The following ROCK2 variants were observed in gnomAD, a reference collection of about 807,000 sequenced individuals.
The protein encoded by ROCK2 is Rho associated coiled-coil containing protein kinase 2.
ROCK2 carries 61 observed loss-of-function variants against 195.1 expected under a neutral mutation model. That is an observed-to-expected ratio of 0.31 (90% CI 0.25 to 0.39). The LOEUF is 0.39. Ranked by LOEUF, ROCK2 falls within the 10% of genes least tolerant of loss-of-function variation. ROCK2 has a pLI of 1.00. For missense variants in ROCK2, 1,109 were observed against 1,637.4 expected (o/e 0.68, Z 5.57); for synonymous variants, 504 against 545.5 (o/e 0.92, Z 1.06).
chr2:11,199,302 ATTTTC>A (rs1468633100), intron 23 of ROCK2, among the ~76,000 whole-genome samples: 3 of 116,394 alleles, frequency 2.6e-5, no homozygotes, highest in Admixed American at 1.9e-4. Flanking sequence ...GCTTTATGTG[ATTTTC>A]TTTTTTTTTT....
Position 11,227,156 on chromosome 2 carries a change from C to T in ROCK2, c.868+98G>A, listed in dbSNP as rs550187432. The T allele has an allele frequency of 2.5e-4, 295 of 1,158,792 alleles. 2 individuals are homozygous for T. In the African/African-American group the frequency reaches 3.3e-3, roughly 13 times the overall value. The allele number at this position is 1,158,792 out of a possible 1,614,324, so 71.8% of individuals were successfully genotyped here. ...TTTCCAGAAATCTAATTCTTCCCTACGACAAAGGCAATTAATTTCCTTATA... is the reference window on the plus strand; with the variant it reads ...TTTCCAGAAATCTAATTCTTCCCTATGACAAAGGCAATTAATTTCCTTATA... On this transcript the variant is annotated intron_variant, in intron 6 of 32. Transcript: ENST00000315872.
Position 11,201,673 on chromosome 2 carries a change from A to G in ROCK2, c.2620-260T>C, listed in dbSNP as rs1663856192. ...CTCATTTAATAGCACAGATAGGTAAAATGAATAAGGAGGCAAGGAAAAACA... is the reference window on the plus strand; with the variant it reads ...CTCATTTAATAGCACAGATAGGTAAGATGAATAAGGAGGCAAGGAAAAACA... On this transcript the variant is annotated intron_variant, in intron 21 of 32. Coordinates refer to ENST00000315872, the MANE Select transcript of ROCK2 (RefSeq NM_004850.5). This position sits in a 1 kb window ranked among gnomAD's most constrained non-coding sequence, Gnocchi z 4.6. Among the ~76,000 whole-genome samples the G allele has an allele frequency of 6.6e-6, 1 of 152,224 alleles. No homozygotes were observed. Among genetic ancestry groups the G allele is most frequent in the South Asian group, 2.1e-4 (1 of 4,830 alleles).
chr2:11,344,247 C>A lies in ROCK2; in HGVS notation c.-111G>T. 1 of 1,305,500 alleles carries A rather than the reference C, an allele frequency of 7.7e-7. No homozygotes were observed. The highest frequency in any genetic ancestry group is 9.7e-7 in the Non-Finnish European group (1 of 1,030,768). 80.9% of individuals were successfully genotyped at this position (1,305,500 alleles called of 1,614,324 possible). A position where few individuals can be genotyped will look rare whatever the true frequency, so the allele number is the denominator to read the frequency against. ...CCGGCCGGGACTCCACCCGGGCCCA[C>A]CGCCTGCCTCTAGCTCCGGCTTCGG... On this transcript the variant is annotated 5_prime_UTR_variant, in exon 1 of 33. Transcript: ENST00000315872. This position sits in a 1 kb window ranked among gnomAD's most constrained non-coding sequence, Gnocchi z 5.4.
At chr2:11,313,971 T>C (rs778780571) in intron 1 of ROCK2, among the ~76,000 whole-genome samples, 19 of 151,936 alleles carry the variant, frequency 1.3e-4, no homozygotes, top group Non-Finnish European at 1.9e-4. Flanking sequence ...TACAGCATTT[T>C]TCCTAGAATC....
Position 11,201,182 on chromosome 2 carries a change from T to C in ROCK2, c.2724-39A>G. 6.4e-7 allele frequency: 1 copy of C among 1,571,054 alleles called. No individual in the cohort carries two copies. The highest frequency in any genetic ancestry group is 1.2e-5 in the South Asian group (1 of 84,072). On this transcript the variant is annotated intron_variant, in intron 22 of 32. Transcript: ENST00000315872. The surrounding 1 kb of genome is among the most constrained non-coding windows in gnomAD (Gnocchi z 4.6). ...ATATATCATTTTAATGGTTCAGTTTTCACTATGAAGTGAAAGTTTTTGTCT... is the reference window on the plus strand; with the variant it reads ...ATATATCATTTTAATGGTTCAGTTTCCACTATGAAGTGAAAGTTTTTGTCT...
chr2:11,235,641 A>G lies in ROCK2; in HGVS notation c.723+61T>C. 6.6e-7 allele frequency: 1 copy of G among 1,510,322 alleles called. No homozygotes were observed. The allele number at this position is 1,510,322 out of a possible 1,614,324, so 93.6% of individuals were successfully genotyped here. ...TTCAAAACTATGAAGACCTGACTTA[A>G]AGTATTTCATTTATTTCTGTCCCTC... On this transcript the variant is annotated intron_variant, in intron 5 of 32. Coordinates refer to ENST00000315872, the MANE Select transcript of ROCK2 (RefSeq NM_004850.5). The surrounding 1 kb of genome is among the most constrained non-coding windows in gnomAD (Gnocchi z 4.2).
chr2:11,289,254 T>C (rs925572834), intron 1 of ROCK2, among the ~76,000 whole-genome samples: 1 of 152,058 alleles, frequency 6.6e-6, no homozygotes, highest in Non-Finnish European at 1.5e-5. Context: ...CCCACACACA[T>C]ACACATAAAC....
At chr2:11,252,248 C>A (rs971315408) in intron 3 of ROCK2, among the ~76,000 whole-genome samples, 4 of 151,734 alleles carry the variant, frequency 2.6e-5, no homozygotes, top group African/African-American at 9.7e-5. Context: ...CCGTTTCTAC[C>A]AAAAATACAA....
intron 1 of ROCK2, among the ~76,000 whole-genome samples, chr2:11,292,324 G>A (rs541074136): frequency 9.2e-5 from 14 of 152,034 alleles, no homozygotes; most frequent in Non-Finnish European, 1.8e-4. Context: ...TTTGCACCAT[G>A]TATTGTGCAA....
chr2:11,196,241 C>T (rs1467028776), intron 27 of ROCK2, among the ~76,000 whole-genome samples: 2 of 152,214 alleles, frequency 1.3e-5, no homozygotes, highest in African/African-American at 2.4e-5. Flanking sequence ...TTCAGGGTAA[C>T]GATCGGGCCA....
chr2:11,293,645 CT>C (rs1433576133), intron 1 of ROCK2, among the ~76,000 whole-genome samples: 1 of 152,074 alleles, frequency 6.6e-6, no homozygotes, highest in Non-Finnish European at 1.5e-5. Context: ...TTTTGCCTTT[CT>C]TTAAAATTTT....
At position 11,313,626 on chromosome 2, in the gene ROCK2, G is replaced by GT. The variant is rs148595035; in HGVS notation, c.142-25891dup. ...CTTTTGGGGCATATGGTTTTCCTCA[G>GT]TTTTTTTCTCTCTCTTTTAACTTCT... On this transcript the variant is annotated intron_variant, in intron 1 of 32. Transcript: ENST00000315872. 8.9e-3 allele frequency among the ~76,000 whole-genome samples: 1,349 copies of GT among 151,798 alleles called. 16 individuals are homozygous for GT. Among genetic ancestry groups the GT allele is most frequent in the African/African-American group, 0.031 (1,274 of 41,432 alleles).
chr2:11,263,074 A>G (rs2148149864), intron 3 of ROCK2, among the ~76,000 whole-genome samples: 1 of 152,336 alleles, frequency 6.6e-6, no homozygotes, highest in South Asian at 2.1e-4. Flanking sequence ...TTTGCAACTT[A>G]GAAATAACCC....
At chr2:11,303,550 C>T (rs981196382) in intron 1 of ROCK2, among the ~76,000 whole-genome samples, 3 of 152,278 alleles carry the variant, frequency 2.0e-5, no homozygotes, top group African/African-American at 7.2e-5. Context: ...CATTTCTTCT[C>T]GCCGCCTTCT....
intron 5 of ROCK2, among the ~76,000 whole-genome samples, chr2:11,229,312 T>C (rs537231129): frequency 1.1e-3 from 164 of 152,248 alleles, no homozygotes; most frequent in African/African-American, 3.8e-3. Context: ...AAGTGTCTTA[T>C]GTGGAAGCCC....
At chr2:11,240,698 A>G (rs1023511328) in intron 4 of ROCK2, among the ~76,000 whole-genome samples, 1 of 152,226 alleles carries the variant, frequency 6.6e-6, no homozygotes, top group African/African-American at 2.4e-5. Context: ...TGGTGGTTCC[A>G]CAATGCTATA....
chr2:11,189,216 G>T (rs573962875), intron 32 of ROCK2, among the ~76,000 whole-genome samples: 8 of 152,176 alleles, frequency 5.3e-5, no homozygotes, highest in Admixed American at 1.3e-4. Flanking sequence ...TGTCAAATTA[G>T]TTCAACTAAA....
At position 11,277,462 on chromosome 2, in the gene ROCK2, T is replaced by A. The variant is rs139464193; in HGVS notation, c.324+9077A>T. Among the ~76,000 whole-genome samples, 1,361 of 152,300 alleles carry A rather than the reference T, an allele frequency of 8.9e-3. 16 individuals are homozygous for A. Among genetic ancestry groups the A allele is most frequent in the African/African-American group, 0.031 (1,285 of 41,564 alleles). Reference sequence around the variant, plus strand: ...AGTATACACTGCACCCTATTTGTAGTCTTTTATCCCTTGCACCCCTCCAAT... The same window carrying A: ...AGTATACACTGCACCCTATTTGTAGACTTTTATCCCTTGCACCCCTCCAAT... On this transcript the variant is annotated intron_variant, in intron 3 of 32. Coordinates refer to ENST00000315872, the MANE Select transcript of ROCK2 (RefSeq NM_004850.5).
At chr2:11,286,496 C>T (rs898968412) in intron 3 of ROCK2, 43 bp downstream of exon 3, 67 of 1,250,206 alleles carry the variant, frequency 5.4e-5, no homozygotes, top group Non-Finnish European at 7.2e-5. Flanking sequence ...CTTCACAAAA[C>T]CATGATGTCA....
Sources: gnomAD v4.1 joint callset for allele counts (sites outside exome capture counted in the v4.1 genomes callset) on GRCh38, gnomAD v4.1.1 for gene constraint, Gnocchi (gnomAD v3.1) non-coding constraint, MANE v1.5 for transcripts, NCBI Gene and HGNC (gene_info 2026-07-23, HGNC 2026-07-21) for gene names.